Variants in ZNF653 observed in about 807,000 individuals in gnomAD.
ZNF653 encodes the protein 67 kDa zinc finger protein.
In ZNF653, 37 loss-of-function variants were observed where a neutral mutation model predicts 59.9. That is an observed-to-expected ratio of 0.62 (90% confidence interval 0.48 to 0.81). The LOEUF is 0.81. Ranked by LOEUF, ZNF653 falls within the 40% of genes least tolerant of loss-of-function variation. The pLI is 0.00. For missense variants in ZNF653, 808 were observed against 881.1 expected (o/e 0.92, Z 1.05); for synonymous variants, 435 against 371.8 (o/e 1.17, Z -1.96).
chr19:11,503,393 T>C lies in ZNF653; in HGVS notation c.299+2095A>G, dbSNP rs376214973. The stretch of plus-strand genomic sequence containing the variant: ...CTTTACTGAAATGCTATCTTCTGAA[T>C]GTGACCACCTTAACTCCCTATTTAA... On this transcript the variant is annotated intron_variant, in intron 1 of 8. Transcript: ENST00000293771. Among the ~76,000 whole-genome samples, 56 of 152,366 alleles carry C rather than the reference T, an allele frequency of 3.7e-4. 1 individual carries two copies. In the South Asian group the frequency reaches 9.7e-3, roughly 26 times the overall value.
rs746452623 is a variant in ZNF653, at chr19:11,487,863, G to A, written c.600C>T (p.Ser200=). ...GLVAGSSDSS[S]SGSASDSEES... ...CCTCAGAGTCAGAGGCAGAGCCAGAGCTGGATGAGTCAGAGCTGCCAGCCA... is the reference window on the plus strand; with the variant it reads ...CCTCAGAGTCAGAGGCAGAGCCAGAACTGGATGAGTCAGAGCTGCCAGCCA... The change falls in exon 4 of 9, where the codon AGC becomes AGT. Residue 200 remains serine (S), a synonymous_variant. Coordinates refer to ENST00000293771, the MANE Select transcript of ZNF653 (RefSeq NM_138783.4). This position sits in a 1 kb window ranked among gnomAD's most constrained non-coding sequence, Gnocchi z 5.1. 2.5e-6 allele frequency: 4 copies of A among 1,606,992 alleles called. No individual in the cohort carries two copies. Among genetic ancestry groups the A allele is most frequent in the Non-Finnish European group, 3.4e-6 (4 of 1,175,958 alleles).
At chr19:11,498,270 C>G (rs762658985) in intron 2 of ZNF653, 26 bp downstream of exon 2, 147 of 1,613,740 alleles carry the variant, frequency 9.1e-5, no homozygotes, top group Non-Finnish European at 1.1e-4. Context: ...CTCTCCCCAC[C>G]TCCCCCAGGC....
intron 3 of ZNF653, among the ~76,000 whole-genome samples, chr19:11,494,327 GATAACATAACATAACATAACATAAC>G (rs71166604): frequency 7.2e-5 from 10 of 139,554 alleles, no homozygotes; most frequent in Admixed American, 5.1e-4. Context: ...GTCTCAAAAA[GATAACATAACATAACATAACATAAC>G]ATAACATAAC....
In ZNF653 at chr19:11,501,627, C is replaced by T. The variant is rs367687861; in HGVS notation, c.300-3288G>A. On this transcript the variant is annotated intron_variant, in intron 1 of 8. Coordinates refer to ENST00000293771, the MANE Select transcript of ZNF653 (RefSeq NM_138783.4). ...CACAGTCACCAGTGACGGCTTCACT[C>T]GGCCCAACAGCACTGGACATGGCAG... Among the ~76,000 whole-genome samples the T allele has an allele frequency of 9.2e-5, 14 of 152,172 alleles. No homozygotes were observed. In the South Asian group the frequency reaches 2.3e-3, roughly 25 times the overall value.
intron 1 of ZNF653, among the ~76,000 whole-genome samples, chr19:11,498,852 C>G (rs1971615539): frequency 6.6e-6 from 1 of 151,940 alleles, no homozygotes; most frequent in South Asian, 2.1e-4. Context: ...TCAAGTGATT[C>G]TCCTGCCTCA....
In ZNF653 at chr19:11,505,470, G is replaced by C; in HGVS notation, c.299+18C>G. On this transcript the variant is annotated intron_variant, in intron 1 of 8. Coordinates refer to ENST00000293771, the MANE Select transcript of ZNF653 (RefSeq NM_138783.4). ...GGGGCGTCTCCTCCCTCCCTCCCTC[G>C]GGGCCAGGCCCCCTCACCCGTGGCG... 3 of 1,444,944 alleles carry C rather than the reference G, an allele frequency of 2.1e-6. No homozygotes were observed. The highest frequency in any genetic ancestry group is 1.8e-6 in the Non-Finnish European group (2 of 1,111,176). The allele number at this position is 1,444,944 out of a possible 1,614,324, so 89.5% of individuals were successfully genotyped here. A position where few individuals can be genotyped will look rare whatever the true frequency, so the allele number is the denominator to read the frequency against.
Position 11,489,834 on chromosome 19 carries a change from C to T in ZNF653, c.560-1931G>A, listed in dbSNP as rs1971511702. Among the ~76,000 whole-genome samples, 3 of 152,326 alleles carry T rather than the reference C, an allele frequency of 2.0e-5. No homozygotes were observed. In the South Asian group the frequency reaches 6.2e-4, roughly 32 times the overall value. ...TGGTATCCTGGGCCCTTCCTGGTGG[C>T]TCCTTCCAAGTTTATTTGGTTCTTG... On this transcript the variant is annotated intron_variant, in intron 3 of 8. Coordinates refer to ENST00000293771, the MANE Select transcript of ZNF653 (RefSeq NM_138783.4).
rs1239688721 is a variant in ZNF653, at chr19:11,496,040, C to T, written c.469G>A (p.Val157Met). The stretch of plus-strand genomic sequence containing the variant: ...CGGTGGCCAGCTTCGCACTGCCACA[C>T]GGCCGTGGTGTACAGGCCAAAAGTG... ...DPTFGLYTTA[V>M]WQCEAGHRYF... The change falls in exon 3 of 9, where the codon GTG becomes ATG. Residue 157 changes from valine (V) to methionine (M), a missense_variant. Coordinates refer to ENST00000293771, the MANE Select transcript of ZNF653 (RefSeq NM_138783.4). 3.7e-6 allele frequency: 6 copies of T among 1,614,012 alleles called. No homozygotes were observed. The highest frequency in any genetic ancestry group is 1.7e-5 in the Admixed American group (1 of 60,000).
intron 6 of ZNF653, among the ~76,000 whole-genome samples, chr19:11,486,419 C>A (rs557485411): frequency 6.6e-6 from 1 of 152,358 alleles, no homozygotes; most frequent in African/African-American, 2.4e-5. Context: ...AGTGGCAGGA[C>A]TGGGACTGGA....
intron 6 of ZNF653, 107 bp downstream of exon 6, chr19:11,486,662 G>C: frequency 1.1e-6 from 1 of 934,488 alleles, no homozygotes; most frequent in Non-Finnish European, 1.6e-6. Context: ...TGCCTTCAGG[G>C]ACACCTCGTC....
intron 1 of ZNF653, chr19:11,504,586 G>A: frequency 1.0e-6 from 1 of 985,184 alleles, no homozygotes; most frequent in Non-Finnish European, 1.2e-6. Flanking sequence ...GTATAACTTA[G>A]CAGGATCTGT....
In ZNF653 at chr19:11,483,877, C is replaced by A. The variant is rs1176305621; in HGVS notation, c.1671-18G>T. 4.6e-6 allele frequency: 3 copies of A among 654,426 alleles called. No homozygotes were observed. The East Asian group carries it at 2.2e-4, about 47-fold the overall frequency. 40.5% of individuals were successfully genotyped at this position (654,426 alleles called of 1,614,324 possible). On this transcript the variant is annotated intron_variant, in intron 8 of 8. Coordinates refer to ENST00000293771, the MANE Select transcript of ZNF653 (RefSeq NM_138783.4). ...TCTCGCACCTGCCGGGAGCCCGTGG[C>A]GGGACGGGGCGGGGTCAGAGTGGGC...
chr19:11,496,332 A>C (rs775417529), intron 2 of ZNF653, among the ~76,000 whole-genome samples, 167 bp from the exon 3 acceptor site: 3 of 152,164 alleles, frequency 2.0e-5, no homozygotes, highest in African/African-American at 4.8e-5. Flanking sequence ...CTCAGAGAGG[A>C]GAGGCACCCC....
intron 3 of ZNF653, among the ~76,000 whole-genome samples, chr19:11,490,758 A>G (rs1389309681): frequency 1.3e-5 from 2 of 151,916 alleles, no homozygotes; most frequent in East Asian, 3.9e-4. Flanking sequence ...TTCTGCCTAC[A>G]CCTCCATGTC....
chr19:11,485,811 A>T (rs373538590), intron 6 of ZNF653, 41 bp from the exon 7 acceptor site: 2 of 1,502,764 alleles, frequency 1.3e-6, no homozygotes, highest in African/African-American at 2.8e-5. Context: ...ATAGGCCCAC[A>T]GAAGGGGCTC....
rs574283804 is a variant in ZNF653, at chr19:11,486,645, C to T, written c.1455+124G>A. 1.5e-4 allele frequency: 118 copies of T among 778,086 alleles called. 1 individual carries two copies. In the South Asian group the frequency reaches 2.0e-3, roughly 13 times the overall value. 48.2% of individuals were successfully genotyped at this position (778,086 alleles called of 1,614,324 possible). A position where few individuals can be genotyped will look rare whatever the true frequency, so the allele number is the denominator to read the frequency against. ...CCAGGTCCTGGGGTGTGACAAGTCCCTGTCTTTGCCTTCAGGGACACCTCG... is the reference window on the plus strand; with the variant it reads ...CCAGGTCCTGGGGTGTGACAAGTCCTTGTCTTTGCCTTCAGGGACACCTCG... On this transcript the variant is annotated intron_variant, in intron 6 of 8. Coordinates refer to ENST00000293771, the MANE Select transcript of ZNF653 (RefSeq NM_138783.4).
At chr19:11,498,417 TAG>T in intron 1 of ZNF653, 78 bp from the exon 2 acceptor site, 2 of 1,577,478 alleles carry the variant, frequency 1.3e-6, no homozygotes, top group Non-Finnish European at 1.7e-6. Context: ...CAACAGTGGC[TAG>T]AGCCACTGCT....
chr19:11,503,162 C>T (rs1971665471), intron 1 of ZNF653, among the ~76,000 whole-genome samples: 1 of 152,200 alleles, frequency 6.6e-6, no homozygotes, highest in East Asian at 1.9e-4. Context: ...GAGTCCTCTC[C>T]ATGGCTCTGG....
chr19:11,500,747 C>T (rs749050273), intron 1 of ZNF653: 6 of 152,262 alleles, frequency 3.9e-5, no homozygotes, highest in Admixed American at 3.3e-4. Context: ...AAGTTCAAGA[C>T]TCAGCTCTGC....
Sources: allele counts gnomAD v4.1 joint callset (sites outside exome capture counted in the v4.1 genomes callset), GRCh38; gene constraint gnomAD v4.1.1; non-coding constraint Gnocchi (gnomAD v3.1); transcripts MANE v1.5; gene names NCBI Gene and HGNC (gene_info 2026-07-23, HGNC 2026-07-21).